The following RAD50 variants were observed in gnomAD, a reference collection of about 807,000 sequenced individuals.
RAD50 encodes the protein DNA repair protein RAD50.
A neutral mutation model predicts 168.8 loss-of-function variants in RAD50; 132 were observed. The ratio of observed to expected loss-of-function variants is 0.78; its 90% CI spans 0.68 to 0.90. The LOEUF (loss-of-function observed/expected upper bound fraction) is 0.90, where lower values mean the gene tolerates loss of function less well. Ranked by LOEUF, RAD50 falls within the 40% of genes least tolerant of loss-of-function variation. The probability of loss-of-function intolerance (pLI) is 0.00; values close to 1 mark genes in which losing one functional copy is unlikely to be tolerated. For missense variants in RAD50, 1,347 were observed against 1,534.4 expected (o/e 0.88, Z 2.04); for synonymous variants, 525 against 497.4 (o/e 1.06, Z -0.74).
chr5:132,570,483 G>T (rs1477559443), intron 2 of RAD50, among the ~76,000 whole-genome samples: 3 of 152,232 alleles, frequency 2.0e-5, no homozygotes, highest in Non-Finnish European at 4.4e-5. Context: ...ACTTGCTGCA[G>T]CTCCTGCATC....
intron 21 of RAD50, among the ~76,000 whole-genome samples, chr5:132,636,817 CAGTATTTA>C (rs1751590184): frequency 6.6e-6 from 1 of 152,114 alleles, no homozygotes; most frequent in African/African-American, 2.4e-5. Flanking sequence ...GAAGTTTTCA[CAGTATTTA>C]AGTATTTACG....
Position 132,640,654 on chromosome 5 carries a change from A to T in RAD50, c.3619-18A>T, listed in dbSNP as rs761928936. ...AGAAGGTCTGTGCTGGGCTTCTCAC[A>T]TAGGGGCTTTTTTCCAGGTATTAGC... On this transcript the variant is annotated intron_variant, in intron 23 of 24. Transcript: ENST00000378823. 6.2e-7 allele frequency: 1 copy of T among 1,614,128 alleles called. No homozygotes were observed. Among genetic ancestry groups the T allele is most frequent in the South Asian group, 1.1e-5 (1 of 91,082 alleles).
At chr5:132,577,388 C>T (rs1750418367) in intron 3 of RAD50, among the ~76,000 whole-genome samples, 1 of 152,218 alleles carries the variant, frequency 6.6e-6, no homozygotes, top group African/African-American at 2.4e-5. Context: ...CTAATTCCAT[C>T]TGTAATCTTA....
At position 132,557,073 on chromosome 5, in the gene RAD50, G is replaced by A; in HGVS notation, c.-252G>A. ...TTTGCGTCCCCGGCGGGCAGCCCCA[G>A]GCTGGTCCCCGCCTCCGCTCTCCCC... is the stretch of plus-strand genomic sequence containing the variant. On this transcript the variant is annotated 5_prime_UTR_variant, in exon 1 of 25. Coordinates refer to ENST00000378823, the MANE Select transcript of RAD50 (RefSeq NM_005732.4). 1 of 661,894 alleles carries A rather than the reference G, an allele frequency of 1.5e-6. No individual in the cohort carries two copies. The highest frequency in any genetic ancestry group is 2.5e-6 in the Non-Finnish European group (1 of 405,944). The allele number at this position is 661,894 out of a possible 1,614,324, so 41.0% of individuals were successfully genotyped here.
In RAD50 at chr5:132,575,983, T is replaced by G. The variant is rs986760758; in HGVS notation, c.365+55T>G. 25 of 1,485,490 alleles carry G rather than the reference T, an allele frequency of 1.7e-5. No homozygotes were observed. In the South Asian group the frequency reaches 3.0e-4, roughly 18 times the overall value. The allele number at this position is 1,485,490 out of a possible 1,614,324, so 92.0% of individuals were successfully genotyped here. ...GTTCATTTTCAGTCTTTTAGGTCTGTAAGTTGATGGTTGTTTTCTACTATA... is the reference window on the plus strand; with the variant it reads ...GTTCATTTTCAGTCTTTTAGGTCTGGAAGTTGATGGTTGTTTTCTACTATA... On this transcript the variant is annotated intron_variant, in intron 3 of 24. Coordinates refer to ENST00000378823, the MANE Select transcript of RAD50 (RefSeq NM_005732.4).
chr5:132,570,766 A>C (rs1450922374), intron 2 of RAD50, among the ~76,000 whole-genome samples: 1 of 152,242 alleles, frequency 6.6e-6, no homozygotes, highest in Admixed American at 6.5e-5. Flanking sequence ...TGTTCACTAA[A>C]GTAGCACTTT....
intron 2 of RAD50, among the ~76,000 whole-genome samples, chr5:132,569,015 A>C (rs1750256376): frequency 6.6e-6 from 1 of 152,208 alleles, no homozygotes; most frequent in African/African-American, 2.4e-5. Context: ...TAAAGGAATA[A>C]AACAAAATCT....
At chr5:132,603,156 GAT>G (rs1750917243) in intron 13 of RAD50, 142 bp from the exon 14 acceptor site, 1 of 754,116 alleles carries the variant, frequency 1.3e-6, no homozygotes, top group African/African-American at 1.8e-5. Flanking sequence ...AAGACATATT[GAT>G]ATCATGATTC....
intron 13 of RAD50, 113 bp downstream of exon 13, chr5:132,595,923 T>C: frequency 4.5e-6 from 4 of 898,312 alleles, no homozygotes; most frequent in Non-Finnish European, 7.4e-6. Flanking sequence ...TGGTATGCCC[T>C]GTCTTATATC....
intron 19 of RAD50, among the ~76,000 whole-genome samples, chr5:132,611,541 T>TA (rs573076675): frequency 2.0e-5 from 3 of 148,694 alleles, no homozygotes; most frequent in African/African-American, 5.0e-5. Context: ...CCGTCTCTAC[T>TA]AAAAAATACA....
At chr5:132,581,094 G>C (rs1024534445) in intron 5 of RAD50, among the ~76,000 whole-genome samples, 4 of 151,870 alleles carry the variant, frequency 2.6e-5, no homozygotes, top group African/African-American at 9.7e-5. Context: ...ATACATGTTT[G>C]TATTTATTTA....
intron 5 of RAD50, 122 bp downstream of exon 5, chr5:132,580,188 A>C: frequency 1.3e-6 from 1 of 789,030 alleles, no homozygotes; most frequent in Non-Finnish European, 2.1e-6. Flanking sequence ...TCATTACTTC[A>C]ATTTTTTTAT....
At chr5:132,563,940 A>G (rs1750163736) in intron 2 of RAD50, among the ~76,000 whole-genome samples, 1 of 152,108 alleles carries the variant, frequency 6.6e-6, no homozygotes, top group African/African-American at 2.4e-5. Flanking sequence ...GCCGTGTAAG[A>G]TGTGCCAGCC....
At chr5:132,616,230 G>C in intron 20 of RAD50, 100 bp downstream of exon 20, 2 of 1,221,488 alleles carry the variant, frequency 1.6e-6, no homozygotes, top group South Asian at 2.6e-5. Flanking sequence ...GCCTCAGCCT[G>C]GTATCCTTTG....
In RAD50 at chr5:132,619,598, CT is replaced by C. The variant is rs199965032; in HGVS notation, c.3389+1307del. On this transcript the variant is annotated intron_variant, in intron 21 of 24. Transcript: ENST00000378823. Reference sequence around the variant, plus strand: ...CTTTTCTTATTGATTTAAATGTGTTCTTTATCTCTTCTGCATTTCAATTCCT... The same window carrying C: ...CTTTTCTTATTGATTTAAATGTGTTCTTATCTCTTCTGCATTTCAATTCCT... Among the ~76,000 whole-genome samples, 47 of 152,022 alleles carry C rather than the reference CT, an allele frequency of 3.1e-4. No individual in the cohort carries two copies. In the East Asian group the frequency reaches 8.9e-3, roughly 29 times the overall value.
At position 132,592,015 on chromosome 5, in the gene RAD50, G is replaced by A. The variant is rs876659331; in HGVS notation, c.1774G>A (p.Asp592Asn). The A allele has an allele frequency of 6.2e-7, 1 of 1,612,978 alleles. No homozygotes were observed. Among genetic ancestry groups the A allele is most frequent in the Non-Finnish European group, 8.5e-7 (1 of 1,179,226 alleles). ...ATCAAAAGAAATTAATCAGACCAGG[G>A]ACAGACTTGCCAAATTGAAGTAAGT... ...SKSKEINQTRDRLAKLNKELA... is the reference protein window; with the variant it reads ...SKSKEINQTRNRLAKLNKELA... Residue 592 changes from aspartate (D) to asparagine (N), a missense_variant, in exon 11 of 25, where the codon GAC becomes AAC. Coordinates refer to ENST00000378823, the MANE Select transcript of RAD50 (RefSeq NM_005732.4).
intron 21 of RAD50, among the ~76,000 whole-genome samples, chr5:132,629,701 C>T (rs961383838): frequency 2.6e-5 from 4 of 152,180 alleles, no homozygotes; most frequent in Admixed American, 2.0e-4. Context: ...CATTCTTTCA[C>T]GTCTTAGAAT....
intron 21 of RAD50, among the ~76,000 whole-genome samples, chr5:132,635,803 G>A (rs1751569782): frequency 6.6e-6 from 1 of 152,108 alleles, no homozygotes; most frequent in Non-Finnish European, 1.5e-5. Flanking sequence ...CATTCCATCA[G>A]TTTTGTTTTG....
Position 132,589,619 on chromosome 5 carries a change from A to G in RAD50, c.1246-12A>G, listed in dbSNP as rs777602108. 2 of 1,537,402 alleles carry G rather than the reference A, an allele frequency of 1.3e-6. No homozygotes were observed. Among genetic ancestry groups the G allele is most frequent in the South Asian group, 1.2e-5 (1 of 82,778 alleles). ...TAAATTATTAATGCTCATTCTTTACATATGCATTTAGAATGACTTTGCAGA... is the reference window on the plus strand; with the variant it reads ...TAAATTATTAATGCTCATTCTTTACGTATGCATTTAGAATGACTTTGCAGA... On this transcript the variant is annotated splice_polypyrimidine_tract_variant and intron_variant, in intron 8 of 24. Coordinates refer to ENST00000378823, the MANE Select transcript of RAD50 (RefSeq NM_005732.4).
Sources: gnomAD v4.1 joint callset for allele counts (sites outside exome capture counted in the v4.1 genomes callset) on GRCh38, gnomAD v4.1.1 for gene constraint, MANE v1.5 for transcripts, NCBI Gene and HGNC (gene_info 2026-07-23, HGNC 2026-07-21) for gene names.